Variants in DCDC1 observed in about 807,000 individuals in gnomAD.
DCDC1 encodes the protein doublecortin domain-containing protein 1.
DCDC1 carries 200 observed loss-of-function variants against 178.3 expected under a neutral mutation model. The observed-to-expected ratio is 1.12, with a 90% CI of 1.00 to 1.26. The LOEUF (loss-of-function observed/expected upper bound fraction) is 1.26. Among genes scored for constraint, DCDC1 ranks in the 50% most tolerant of loss-of-function variants. DCDC1 has a pLI of 0.00. For missense variants in DCDC1, 1,983 were observed against 1,749.2 expected, an observed-to-expected ratio of 1.13 and a Z score of -2.38; for synonymous variants, 690 against 604.8, an observed-to-expected ratio of 1.14 and a Z score of -2.07.
In DCDC1 at chr11:31,265,515, A is replaced by AT; in HGVS notation, c.1045dup (p.Ile349AsnfsTer8). On this transcript the variant is annotated frameshift_variant, in exon 8 of 39. Coordinates refer to ENST00000684477, the MANE Select transcript of DCDC1 (RefSeq NM_001387274.1). LOFTEE classifies it high-confidence loss of function. Reference sequence around the variant, plus strand: ...AAATCTTTGCCACTTACCTTTTGAAATATCTTCAATTTTTCTGCCATACAA... The same window carrying AT: ...AAATCTTTGCCACTTACCTTTTGAAATTATCTTCAATTTTTCTGCCATACAA... 1 of 1,421,910 alleles carries AT rather than the reference A, an allele frequency of 7.0e-7. No homozygotes were observed. Among genetic ancestry groups the AT allele is most frequent in the East Asian group, 2.7e-5 (1 of 37,060 alleles). 88.1% of individuals were successfully genotyped at this position (1,421,910 alleles called of 1,614,324 possible).
At chr11:30,909,493 A>G (rs1945298190) in intron 28 of DCDC1, among the ~76,000 whole-genome samples, 1 of 152,142 alleles carries the variant, frequency 6.6e-6, no homozygotes. Flanking sequence ...AAATAAACAA[A>G]TAGTGTAAAT....
chr11:30,874,331 C>G (rs1941921412), intron 38 of DCDC1, among the ~76,000 whole-genome samples: 2 of 152,162 alleles, frequency 1.3e-5, no homozygotes, highest in South Asian at 2.1e-4. Context: ...TGTATTTTAT[C>G]TAGCACACCA....
intron 10 of DCDC1, among the ~76,000 whole-genome samples, chr11:31,130,741 G>T (rs1171497657): frequency 6.6e-6 from 1 of 152,070 alleles, no homozygotes; most frequent in South Asian, 2.1e-4. Context: ...TGAGAGTCTA[G>T]AAATTTCTAT....
intron 7 of DCDC1, among the ~76,000 whole-genome samples, chr11:31,275,630 G>C (rs1242451116): frequency 6.6e-6 from 1 of 151,922 alleles, no homozygotes; most frequent in Non-Finnish European, 1.5e-5. Context: ...TCAGCCTCCC[G>C]AATAGCTGGG....
chr11:31,059,869 T>C (rs1955816323), intron 20 of DCDC1, among the ~76,000 whole-genome samples: 1 of 152,088 alleles, frequency 6.6e-6, no homozygotes, highest in Admixed American at 6.6e-5. Context: ...CAGAATGTAA[T>C]TCAATTTTTA....
At chr11:31,093,922 A>C (rs576900020) in intron 16 of DCDC1, 128 bp downstream of exon 16, 1 of 663,610 alleles carries the variant, frequency 1.5e-6, no homozygotes, top group African/African-American at 1.8e-5. Context: ...GATGGCATCT[A>C]TAACAGCCAA....
intron 20 of DCDC1, among the ~76,000 whole-genome samples, chr11:31,006,565 T>A (rs977880336): frequency 3.3e-5 from 5 of 152,232 alleles, no homozygotes; most frequent in African/African-American, 1.2e-4. Flanking sequence ...ACTGGAAATG[T>A]TGCTTAACCG....
At chr11:31,157,368 A>AT (rs71451195) in intron 9 of DCDC1, among the ~76,000 whole-genome samples, 25,008 of 107,128 alleles carry the variant, frequency 0.23, 2,246 homozygotes, top group East Asian at 0.36. Context: ...AAAAAAAAAA[A>AT]AAAAATATAT....
At chr11:31,073,672 C>A (rs766822826) in intron 18 of DCDC1, among the ~76,000 whole-genome samples, 1 of 152,140 alleles carries the variant, frequency 6.6e-6, no homozygotes, top group African/African-American at 2.4e-5. Context: ...TTATAAATGG[C>A]ATGAGGGATG....
At chr11:31,300,414 G>A (rs1029937134) in intron 6 of DCDC1, among the ~76,000 whole-genome samples, 9 of 151,994 alleles carry the variant, frequency 5.9e-5, no homozygotes, top group Non-Finnish European at 1.0e-4. Context: ...TAGACCAGGG[G>A]CTTATAGACA....
intron 7 of DCDC1, among the ~76,000 whole-genome samples, chr11:31,269,739 A>T (rs1046797469): frequency 4.6e-5 from 7 of 152,190 alleles, no homozygotes; most frequent in African/African-American, 7.2e-5. Context: ...TAAAATTTTA[A>T]ATCATCATGC....
In DCDC1 at chr11:30,999,723, G is replaced by C. The variant is rs140168329; in HGVS notation, c.2592-47155C>G. ...TACACATCACTTCCATCTTAAAAAG[G>C]GTGGGGGGAGTGAGAAAGGGGAGAG... On this transcript the variant is annotated intron_variant, in intron 20 of 38. Transcript: ENST00000684477. Among the ~76,000 whole-genome samples, 317 of 152,120 alleles carry C rather than the reference G, an allele frequency of 2.1e-3. 2 individuals are homozygous for C. The highest frequency in any genetic ancestry group is 7.4e-3 in the African/African-American group (306 of 41,522).
chr11:31,265,624 A>T, intron 7 of DCDC1, 24 bp from the exon 8 acceptor site: 1 of 1,195,302 alleles, frequency 8.4e-7, no homozygotes, highest in Non-Finnish European at 1.1e-6. Context: ...AAAAATTATA[A>T]ATAATTTAGT....
chr11:30,970,396 C>T (rs1949711559), intron 20 of DCDC1, among the ~76,000 whole-genome samples: 1 of 152,176 alleles, frequency 6.6e-6, no homozygotes, highest in African/African-American at 2.4e-5. Context: ...GCTACATTGA[C>T]ATCTCCCACT....
At chr11:30,868,767 T>C (rs530263073) in intron 38 of DCDC1, among the ~76,000 whole-genome samples, 6 of 152,326 alleles carry the variant, frequency 3.9e-5, no homozygotes, top group Admixed American at 1.3e-4. Context: ...GTAAATATGC[T>C]CAAAATTATT....
chr11:31,160,382 T>A (rs992528112), intron 9 of DCDC1, among the ~76,000 whole-genome samples: 1 of 152,200 alleles, frequency 6.6e-6, no homozygotes, highest in Non-Finnish European at 1.5e-5. Flanking sequence ...CTTAGCATTT[T>A]AATATAAAAA....
chr11:31,110,407 A>G lies in DCDC1; in HGVS notation c.1486-46T>C, dbSNP rs765664038. On this transcript the variant is annotated intron_variant, in intron 11 of 38. Transcript: ENST00000684477. ...AAAATAAAAATAAATACATGCACACATACATACATATATTCATACATACTT... is the reference window on the plus strand; with the variant it reads ...AAAATAAAAATAAATACATGCACACGTACATACATATATTCATACATACTT... 5.9e-6 allele frequency: 4 copies of G among 679,338 alleles called. No individual in the cohort carries two copies. The South Asian group carries it at 6.2e-5, about 11-fold the overall frequency. 42.1% of individuals were successfully genotyped at this position (679,338 alleles called of 1,614,324 possible).
At chr11:31,072,068 C>T (rs539235531) in intron 18 of DCDC1, among the ~76,000 whole-genome samples, 1 of 152,300 alleles carries the variant, frequency 6.6e-6, no homozygotes, top group South Asian at 2.1e-4. Context: ...CAATAGATAA[C>T]TGATACATAA....
chr11:30,866,948 C>T (rs1941037997), intron 38 of DCDC1, among the ~76,000 whole-genome samples: 1 of 152,134 alleles, frequency 6.6e-6, no homozygotes, highest in African/African-American at 2.4e-5. Flanking sequence ...CTTCCACTTT[C>T]TGCCCTGTGG....
Sources: gnomAD v4.1 joint callset for allele counts (sites outside exome capture counted in the v4.1 genomes callset) on GRCh38, gnomAD v4.1.1 for gene constraint, MANE v1.5 for transcripts, NCBI Gene and HGNC (gene_info 2026-07-23, HGNC 2026-07-21) for gene names.